Variants in HOXA3 observed in about 807,000 individuals in gnomAD.
HOXA3 encodes homeobox A3.
HOXA3 carries 8 observed loss-of-function variants against 30.3 expected under a neutral mutation model. That is an observed-to-expected ratio of 0.26 (90% confidence interval 0.15 to 0.48). The LOEUF (loss-of-function observed/expected upper bound fraction) is 0.48, where lower values mean the gene tolerates loss of function less well. Ranked by LOEUF, HOXA3 falls within the 20% of genes least tolerant of loss-of-function variation. HOXA3 has a pLI of 0.99. For synonymous variants in HOXA3, 323 were observed against 273.1 expected (o/e 1.18, Z -1.80); for missense variants, 653 against 614.4 (o/e 1.06, Z -0.66).
chr7:27,147,341 A>T, intron 1 of HOXA3: 1 of 1,614,038 alleles, frequency 6.2e-7, no homozygotes, highest in East Asian at 2.2e-5. Context: ...ATCCAAGGGT[A>T]AACCGGGCTC....
At chr7:27,115,864 G>C (rs1385029463) in intron 4 of HOXA3, 1 of 152,582 alleles carries the variant, frequency 6.6e-6, no homozygotes, top group Non-Finnish European at 1.5e-5. Context: ...CATGCAGATG[G>C]TCGGTGCCCC....
chr7:27,123,248 T>A (rs1030850151), intron 3 of HOXA3: 1 of 152,276 alleles, frequency 6.6e-6, no homozygotes, highest in East Asian at 1.9e-4. Flanking sequence ...TAGGTCCTAG[T>A]GGGCTGGCGG....
rs1351209735 is a variant in HOXA3 at position 27,108,771 on chromosome 7, C to T, written c.527-51G>A. 7.1e-7 allele frequency: 1 copy of T among 1,417,858 alleles called. No homozygotes were observed. The highest frequency in any genetic ancestry group is 2.3e-5 in the East Asian group (1 of 43,166). 87.8% of individuals were successfully genotyped at this position (1,417,858 alleles called of 1,614,324 possible). A position where few individuals can be genotyped will look rare whatever the true frequency, so the allele number is the denominator to read the frequency against. On this transcript the variant is annotated intron_variant, in intron 5 of 5. Coordinates refer to ENST00000612286, the MANE Select transcript of HOXA3 (RefSeq NM_153631.3). This position sits in a 1 kb window ranked among gnomAD's most constrained non-coding sequence, Gnocchi z 5.0. ...GGCGTCAGGGGCTGCCGCGGCCCCG[C>T]CCAGCCCCTGACCCAGCCCGGCCCC...
chr7:27,113,037 C>T lies in HOXA3; in HGVS notation c.-120-2277G>A, dbSNP rs1420939407. Among the ~76,000 whole-genome samples, 2 of 152,126 alleles carry T rather than the reference C, an allele frequency of 1.3e-5. No individual in the cohort carries two copies. The highest frequency in any genetic ancestry group is 2.9e-5 in the Non-Finnish European group (2 of 68,020). Reference sequence around the variant, plus strand: ...ACCACCACCTTGGAGCTCATACATCCCCCCACCCCAACCCAGCCCCCAAAG... The same window carrying T: ...ACCACCACCTTGGAGCTCATACATCTCCCCACCCCAACCCAGCCCCCAAAG... On this transcript the variant is annotated intron_variant, in intron 4 of 5. Coordinates refer to ENST00000612286, the MANE Select transcript of HOXA3 (RefSeq NM_153631.3). This position sits in a 1 kb window ranked among gnomAD's most constrained non-coding sequence, Gnocchi z 4.8.
At chr7:27,144,068 G>T (rs1471506099) in intron 1 of HOXA3, among the ~76,000 whole-genome samples, 1 of 152,342 alleles carries the variant, frequency 6.6e-6, no homozygotes, top group Non-Finnish European at 1.5e-5. Flanking sequence ...GTCAGCTGCC[G>T]ATCGCGCGCC....
chr7:27,112,183 C>CCA (rs1784414854), intron 4 of HOXA3, among the ~76,000 whole-genome samples: 2 of 151,984 alleles, frequency 1.3e-5, no homozygotes, highest in Admixed American at 6.6e-5. Context: ...AAATATTCAC[C>CCA]CACACACACA....
chr7:27,120,116 C>G (rs1202270908), intron 4 of HOXA3, among the ~76,000 whole-genome samples: 2 of 152,064 alleles, frequency 1.3e-5, no homozygotes, highest in African/African-American at 4.8e-5. Flanking sequence ...TCTCCAGATA[C>G]CCTAGAAAGG....
At chr7:27,129,076 T>A in intron 2 of HOXA3, 1 of 706,674 alleles carries the variant, frequency 1.4e-6, no homozygotes, top group South Asian at 1.6e-5. Context: ...AACCGGATAA[T>A]GTCTTCTTTT....
chr7:27,147,196 T>G, intron 1 of HOXA3: 2 of 1,107,668 alleles, frequency 1.8e-6, no homozygotes, highest in Non-Finnish European at 2.5e-6. Context: ...ACTTTGCTGG[T>G]TCTTTCATCC....
chr7:27,131,818 T>C (rs1785569205), intron 2 of HOXA3, among the ~76,000 whole-genome samples: 1 of 151,918 alleles, frequency 6.6e-6, no homozygotes, highest in African/African-American at 2.4e-5. Flanking sequence ...ATTTCATGTT[T>C]TCTCTTTTAG....
intron 4 of HOXA3, chr7:27,115,885 C>A (rs191226409): frequency 6.6e-6 from 1 of 152,646 alleles, no homozygotes; most frequent in Non-Finnish European, 1.5e-5. Context: ...AGCCTCAAGC[C>A]GCTCTGCTTA....
chr7:27,143,013 G>A (rs200385351), intron 1 of HOXA3: 1 of 1,490,580 alleles, frequency 6.7e-7, no homozygotes, highest in Non-Finnish European at 8.9e-7. Context: ...GCGTCCCCGC[G>A]GTCGCGTGGA....
chr7:27,126,779 G>A (rs1312758484), intron 3 of HOXA3, 107 bp downstream of exon 3: 1 of 152,212 alleles, frequency 6.6e-6, no homozygotes, highest in Non-Finnish European at 1.5e-5. Context: ...ATAAGTGCAA[G>A]TGAAAGAAAG....
chr7:27,148,548 T>C (rs1290354404), intron 1 of HOXA3, among the ~76,000 whole-genome samples: 2 of 152,224 alleles, frequency 1.3e-5, no homozygotes, highest in Admixed American at 1.3e-4. Context: ...ACACATCCTG[T>C]TTGAGTCCCA....
In HOXA3 at chr7:27,113,058, C is replaced by T. The variant is rs1784467118; in HGVS notation, c.-120-2298G>A. ...CATCCCCCCACCCCAACCCAGCCCC[C>T]AAAGTTTGCAACCTAGTAAAGAAGT... On this transcript the variant is annotated intron_variant, in intron 4 of 5. Coordinates refer to ENST00000612286, the MANE Select transcript of HOXA3 (RefSeq NM_153631.3). The surrounding 1 kb of genome is among the most constrained non-coding windows in gnomAD (Gnocchi z 4.8). Among the ~76,000 whole-genome samples, 1 of 152,166 alleles carries T rather than the reference C, an allele frequency of 6.6e-6. No homozygotes were observed. The highest frequency in any genetic ancestry group is 2.1e-4 in the South Asian group (1 of 4,832).
chr7:27,145,838 G>A, intron 1 of HOXA3: 1 of 1,614,266 alleles, frequency 6.2e-7, no homozygotes, highest in African/African-American at 1.3e-5. Flanking sequence ...GGTTGAAGTG[G>A]AACTCCTTCT....
intron 4 of HOXA3, chr7:27,121,213 C>CTGTGTGTGTGTGTG (rs1491534734): frequency 1.8e-4 from 22 of 119,480 alleles, no homozygotes; most frequent in East Asian, 1.3e-3. Context: ...TCTTAGCCCA[C>CTGTGTGTGTGTGTG]TGTGTGCGTG....
At chr7:27,119,407 T>C (rs1784898783) in intron 4 of HOXA3, 1 of 152,192 alleles carries the variant, frequency 6.6e-6, no homozygotes, top group African/African-American at 2.4e-5. Context: ...GAGAACCAAC[T>C]GTGCTCAGGA....
Position 27,147,583 on chromosome 7 carries a change from C to A in HOXA3, c.-494+4705G>T, listed in dbSNP as rs1782819766. 3 of 1,614,226 alleles carry A rather than the reference C, an allele frequency of 1.9e-6. No homozygotes were observed. The South Asian group carries it at 3.3e-5, about 18-fold the overall frequency. ...GACCGAGTTGGACTGTTGGTAGAAA[C>A]AAGGTGAGGTGTACGTCTTGTCCGG... On this transcript the variant is annotated intron_variant, in intron 1 of 5. Transcript: ENST00000612286.
Sources: gnomAD v4.1 joint callset for allele counts (sites outside exome capture counted in the v4.1 genomes callset) on GRCh38, gnomAD v4.1.1 for gene constraint, Gnocchi (gnomAD v3.1) non-coding constraint, MANE v1.5 for transcripts, NCBI Gene and HGNC (gene_info 2026-07-23, HGNC 2026-07-21) for gene names.